Variants in SRP68 observed in about 807,000 individuals in gnomAD.
The protein encoded by SRP68 is signal recognition particle 68.
Under a neutral mutation model 82.2 loss-of-function variants are expected in SRP68, and 15 were observed. That is an observed-to-expected ratio of 0.18 (90% CI 0.12 to 0.28). The LOEUF (loss-of-function observed/expected upper bound fraction) is 0.28. SRP68 is among the 10% of genes least tolerant of loss of function. The pLI is 1.00. For missense variants in SRP68, 595 were observed against 780.5 expected, an observed-to-expected ratio of 0.76 and a Z score of 2.83; for synonymous variants, 261 against 292.6, an observed-to-expected ratio of 0.89 and a Z score of 1.10.
intron 6 of SRP68, 25 bp from the exon 7 acceptor site, chr17:76,060,415 T>A: frequency 6.4e-7 from 1 of 1,574,128 alleles, no homozygotes; most frequent in South Asian, 1.1e-5. Flanking sequence ...CAGGAAAATC[T>A]TCAAGGGTCT....
At chr17:76,063,217 A>T (rs1033986984) in intron 4 of SRP68, among the ~76,000 whole-genome samples, 2 of 152,228 alleles carry the variant, frequency 1.3e-5, no homozygotes, top group South Asian at 2.1e-4. Context: ...TCTGCATTTT[A>T]CTTAACCATT....
intron 2 of SRP68, among the ~76,000 whole-genome samples, chr17:76,069,775 GAA>G (rs527828363): frequency 2.9e-5 from 4 of 135,822 alleles, no homozygotes; most frequent in Non-Finnish European, 3.2e-5. Flanking sequence ...TTATTTAAAA[GAA>G]AAAAAAAAAA....
At chr17:76,048,033 C>A in intron 9 of SRP68, 63 bp from the exon 10 acceptor site, 2 of 1,181,282 alleles carry the variant, frequency 1.7e-6, no homozygotes, top group Non-Finnish European at 2.4e-6. Context: ...CTGACCACCT[C>A]ATGGAATGGT....
intron 8 of SRP68, among the ~76,000 whole-genome samples, chr17:76,055,993 T>C (rs2066711676): frequency 6.6e-6 from 1 of 151,680 alleles, no homozygotes; most frequent in Non-Finnish European, 1.5e-5. Flanking sequence ...TACTTTTTTT[T>C]GTAGAGATGG....
At chr17:76,054,650 G>A (rs749461452) in intron 8 of SRP68, among the ~76,000 whole-genome samples, 7 of 151,946 alleles carry the variant, frequency 4.6e-5, no homozygotes, top group Non-Finnish European at 4.4e-5. Context: ...TCAGGAGTTC[G>A]AGACCTACTA....
At chr17:76,043,044 G>A (rs2066603061) in intron 13 of SRP68, among the ~76,000 whole-genome samples, 1 of 152,092 alleles carries the variant, frequency 6.6e-6, no homozygotes, top group African/African-American at 2.4e-5. Flanking sequence ...GAGGCCAGGA[G>A]TTCGAGGCCA....
intron 4 of SRP68, among the ~76,000 whole-genome samples, chr17:76,063,686 TG>T (rs138959789): frequency 0.54 from 75,910 of 140,896 alleles, 22,672 homozygotes; most frequent in African/African-American, 0.83. Context: ...AGACTCTGTC[TG>T]AAAAAAAAAA....
chr17:76,062,576 TAC>T (rs2066764234), intron 4 of SRP68, among the ~76,000 whole-genome samples: 1 of 63,924 alleles, frequency 1.6e-5, no homozygotes, highest in South Asian at 3.2e-4. Flanking sequence ...TTATATAATA[TAC>T]ATTATATAAT....
At chr17:76,060,541 T>C (rs1959001841) in intron 6 of SRP68, 151 bp from the exon 7 acceptor site, 6 of 590,506 alleles carry the variant, frequency 1.0e-5, no homozygotes, top group Admixed American at 6.3e-5. Flanking sequence ...AAGTCTTTTA[T>C]AAAGAATGAA....
At chr17:76,068,619 C>T (rs934921566) in intron 2 of SRP68, among the ~76,000 whole-genome samples, 8 of 152,172 alleles carry the variant, frequency 5.3e-5, no homozygotes, top group East Asian at 1.9e-4. Flanking sequence ...ATTAGGTTAT[C>T]GCCAAGAAGC....
rs941884846 is a variant in SRP68 at position 76,063,989 on chromosome 17, T to C, written c.548A>G (p.Lys183Arg). The C allele has an allele frequency of 1.2e-6, 2 of 1,613,778 alleles. No individual in the cohort carries two copies. Among genetic ancestry groups the C allele is most frequent in the East Asian group, 2.2e-5 (1 of 44,874 alleles). The change falls in exon 4 of 16, where the codon AAA (lysine) becomes AGA (arginine). Residue 183 changes from lysine to arginine, a missense_variant. By Grantham distance (26) the Lys-to-Arg change is conservative. Coordinates refer to ENST00000307877, the MANE Select transcript of SRP68 (RefSeq NM_014230.4). ...TGAGGTACTAACCTGAGCCTCTAAT[T>C]TGGTCTTGGCATCCACGCGATTGCT... ...CESNRVDAKT[K>R]LEAQAYTAYL...
chr17:76,046,254 CTGGA>C, intron 10 of SRP68, 60 bp from the exon 11 acceptor site: 1 of 1,583,090 alleles, frequency 6.3e-7, no homozygotes, highest in Non-Finnish European at 8.6e-7. Flanking sequence ...ACTGGGAGGA[CTGGA>C]CTACAAGTTG....
rs781720639 is a variant in SRP68 at position 76,058,695 on chromosome 17, C to T, written c.838-1152G>A. Among the ~76,000 whole-genome samples, 26 of 152,306 alleles carry T rather than the reference C, an allele frequency of 1.7e-4. 1 individual carries two copies. Among genetic ancestry groups the T allele is most frequent in the South Asian group, 1.7e-3 (8 of 4,824 alleles). On this transcript the variant is annotated intron_variant, in intron 7 of 15. Transcript: ENST00000307877. ...TAAGGATGTAAGGAGAAAAGCATAT[C>T]TGTATACGCTACAAGCAGGAATGCT...
At chr17:76,067,191 T>C (rs1437525963) in intron 3 of SRP68, 26 bp downstream of exon 3, 3 of 1,529,928 alleles carry the variant, frequency 2.0e-6, no homozygotes, top group Non-Finnish European at 2.7e-6. Flanking sequence ...AGAAGTAATT[T>C]GCAACTAGCA....
chr17:76,056,725 G>A (rs989394535), intron 8 of SRP68, among the ~76,000 whole-genome samples: 3 of 152,122 alleles, frequency 2.0e-5, no homozygotes, highest in Non-Finnish European at 2.9e-5. Flanking sequence ...TGAGGTCTTC[G>A]GAAATGCCAC....
rs1158364615 is a variant in SRP68 at position 76,038,992 on chromosome 17, T to C, written c.*714A>G. On this transcript the variant is annotated 3_prime_UTR_variant, in exon 16 of 16. Transcript: ENST00000307877. ...ATGTGTATCTGGCATCAGCCTCACC[T>C]AGTTGCCGGTAAGTCAGGTTACACT... 5.8e-6 allele frequency: 1 copy of C among 172,994 alleles called. No individual in the cohort carries two copies. The highest frequency in any genetic ancestry group is 2.4e-5 in the African/African-American group (1 of 42,358). The allele number at this position is 172,994 out of a possible 1,614,324, so 10.7% of individuals were successfully genotyped here.
rs1171377898 is a variant in SRP68, at chr17:76,039,146, T to C, written c.*560A>G. The C allele has an allele frequency of 2.7e-5, 9 of 333,866 alleles. No homozygotes were observed. Among genetic ancestry groups the C allele is most frequent in the Non-Finnish European group, 4.8e-5 (8 of 166,056 alleles). 20.7% of individuals were successfully genotyped at this position (333,866 alleles called of 1,614,324 possible). A position where few individuals can be genotyped will look rare whatever the true frequency, so the allele number is the denominator to read the frequency against. ...TTTAATATAAGATTTGGTTTCATCA[T>C]TTCTGAGTGTAACATATTTCTTCTA... On this transcript the variant is annotated 3_prime_UTR_variant, in exon 16 of 16. Coordinates refer to ENST00000307877, the MANE Select transcript of SRP68 (RefSeq NM_014230.4).
intron 4 of SRP68, 123 bp downstream of exon 4, chr17:76,063,853 G>T: frequency 1.3e-6 from 1 of 788,946 alleles, no homozygotes; most frequent in South Asian, 2.7e-5. Context: ...AGCAAGTTCG[G>T]AAAGTTTTTT....
rs1262259125 is a variant in SRP68 at position 76,041,027 on chromosome 17, A to T, written c.1525-49T>A. The T allele has an allele frequency of 2.0e-6, 3 of 1,512,056 alleles. No individual in the cohort carries two copies. The South Asian group carries it at 3.4e-5, about 17-fold the overall frequency. The allele number at this position is 1,512,056 out of a possible 1,614,324, so 93.7% of individuals were successfully genotyped here. On this transcript the variant is annotated intron_variant, in intron 13 of 15. Coordinates refer to ENST00000307877, the MANE Select transcript of SRP68 (RefSeq NM_014230.4). ...CTCCCGAGCCAGGGCCAGGTCAGAG[A>T]AGCACACCAAGCTAACCCGAGTTAA...
Sources: gnomAD v4.1 joint callset for allele counts (sites outside exome capture counted in the v4.1 genomes callset) on GRCh38, gnomAD v4.1.1 for gene constraint, MANE v1.5 for transcripts, NCBI Gene and HGNC (gene_info 2026-07-23, HGNC 2026-07-21) for gene names.